Variants in IRF2 observed in about 807,000 individuals in gnomAD.
IRF2 encodes interferon regulatory factor 2.
A neutral mutation model predicts 40.6 loss-of-function variants in IRF2; 15 were observed. The observed-to-expected ratio is 0.37, with a 90% CI of 0.25 to 0.57. IRF2 has a LOEUF of 0.57. Ranked by LOEUF, IRF2 falls within the 20% of genes least tolerant of loss-of-function variation. The pLI is 0.77. For synonymous variants in IRF2, 151 were observed against 165.5 expected (o/e 0.91, Z 0.67); for missense variants, 317 against 455.7 (o/e 0.70, Z 2.77).
intron 5 of IRF2, among the ~76,000 whole-genome samples, chr4:184,414,328 C>T (rs1197923757): frequency 6.6e-6 from 1 of 152,190 alleles, no homozygotes; most frequent in East Asian, 1.9e-4. Context: ...TCCAGGATTT[C>T]TCATTATTGT....
At chr4:184,410,156 C>T (rs1483524514) in intron 5 of IRF2, among the ~76,000 whole-genome samples, 3 of 152,168 alleles carry the variant, frequency 2.0e-5, no homozygotes, top group Non-Finnish European at 4.4e-5. Context: ...TCAGAAGGGC[C>T]TGGAGCAAAG....
intron 5 of IRF2, among the ~76,000 whole-genome samples, chr4:184,411,590 T>C (rs1290013623): frequency 1.6e-5 from 2 of 121,234 alleles, no homozygotes; most frequent in African/African-American, 5.1e-5. Context: ...AGCCAGCACC[T>C]CCCGAAACAC....
At chr4:184,460,072 T>C (rs146429629) in intron 1 of IRF2, among the ~76,000 whole-genome samples, 159 of 152,316 alleles carry the variant, frequency 1.0e-3, no homozygotes, top group African/African-American at 3.3e-3. Context: ...TTATTCACAA[T>C]AGCCAAATTA....
At position 184,467,343 on chromosome 4, in the gene IRF2, T is replaced by C. The variant is rs80119817; in HGVS notation, c.-7+7036A>G. Among the ~76,000 whole-genome samples the C allele has an allele frequency of 5.5e-3, 840 of 152,282 alleles. 10 individuals carry two copies. The highest frequency in any genetic ancestry group is 0.019 in the African/African-American group (794 of 41,546). ...CATTCAAGAATCCAGGAGTCACTAG[T>C]CACCTATTTTCCTTCTCATCACCCC... On this transcript the variant is annotated intron_variant, in intron 1 of 8. Coordinates refer to ENST00000393593, the MANE Select transcript of IRF2 (RefSeq NM_002199.4).
At chr4:184,437,294 G>C (rs146803988) in intron 1 of IRF2, among the ~76,000 whole-genome samples, 1 of 152,140 alleles carries the variant, frequency 6.6e-6, no homozygotes, top group East Asian at 1.9e-4. Context: ...TTGACCTGAT[G>C]ATCCACCTGC....
intron 2 of IRF2, chr4:184,428,636 A>G (rs936685458): frequency 4.5e-6 from 2 of 444,726 alleles, no homozygotes; most frequent in Non-Finnish European, 9.0e-6. Context: ...CAGCTCTACA[A>G]AAAAATACAA....
At chr4:184,415,865 C>T (rs1020354038) in intron 5 of IRF2, among the ~76,000 whole-genome samples, 6 of 152,134 alleles carry the variant, frequency 3.9e-5, no homozygotes, top group Non-Finnish European at 7.3e-5. Flanking sequence ...TTATCAAATA[C>T]GTATTAGTGA....
chr4:184,395,949 G>C (rs1032847926), intron 7 of IRF2, among the ~76,000 whole-genome samples: 2 of 152,142 alleles, frequency 1.3e-5, no homozygotes, highest in Non-Finnish European at 2.9e-5. Context: ...AGCAAGAAGA[G>C]GTCTTTCCAG....
At chr4:184,428,620 A>C in intron 2 of IRF2, 1 of 425,766 alleles carries the variant, frequency 2.3e-6, no homozygotes, top group South Asian at 1.7e-5. Context: ...CAACATGGCG[A>C]GATCCCAGCT....
chr4:184,461,190 T>C (rs965959564), intron 1 of IRF2, among the ~76,000 whole-genome samples: 3 of 152,208 alleles, frequency 2.0e-5, no homozygotes, highest in Non-Finnish European at 4.4e-5. Context: ...TTTTCCTTAA[T>C]GACACCAGAC....
intron 5 of IRF2, among the ~76,000 whole-genome samples, chr4:184,410,558 C>T (rs903787301): frequency 1.3e-5 from 2 of 152,184 alleles, no homozygotes; most frequent in Non-Finnish European, 2.9e-5. Flanking sequence ...TTCCCCACCC[C>T]GAGTCATGCC....
At chr4:184,461,343 A>C (rs1739137205) in intron 1 of IRF2, among the ~76,000 whole-genome samples, 1 of 152,220 alleles carries the variant, frequency 6.6e-6, no homozygotes, top group African/African-American at 2.4e-5. Flanking sequence ...TTGGCAAAAA[A>C]ATCTGTCACA....
chr4:184,410,029 T>C (rs1452619992), intron 5 of IRF2, among the ~76,000 whole-genome samples: 1 of 152,176 alleles, frequency 6.6e-6, no homozygotes, highest in Admixed American at 6.5e-5. Flanking sequence ...CGACCCGCTG[T>C]CTGCCTTTCC....
At chr4:184,455,409 C>T (rs201786205) in intron 1 of IRF2, among the ~76,000 whole-genome samples, 2 of 146,594 alleles carry the variant, frequency 1.4e-5, no homozygotes, top group Admixed American at 7.1e-5. Context: ...CCTCCCAAAG[C>T]GCTGGGATTA....
In IRF2 at chr4:184,437,115, G is replaced by C. The variant is rs118006699; in HGVS notation, c.-6-8045C>G. Among the ~76,000 whole-genome samples the C allele has an allele frequency of 5.0e-3, 766 of 152,282 alleles. 14 individuals are homozygous for C. The highest frequency in any genetic ancestry group is 0.033 in the Admixed American group (508 of 15,298). On this transcript the variant is annotated intron_variant, in intron 1 of 8. Transcript: ENST00000393593. ...CTGTCACCCAGGCTAGAGTATAGTC[G>C]TGCAATCTTGGCTCACTGCAACCTC...
chr4:184,394,637 ACT>A lies in IRF2; in HGVS notation c.695-3890_695-3889del, dbSNP rs375981124. Among the ~76,000 whole-genome samples the A allele has an allele frequency of 6.7e-4, 102 of 151,886 alleles. 1 individual carries two copies. The highest frequency in any genetic ancestry group is 2.3e-3 in the African/African-American group (97 of 41,420). The stretch of plus-strand genomic sequence containing the variant: ...GGCTGCTGGTCAGCAGGCGATCTCC[ACT>A]CTCTCATTATAGCCAGTGAGTCCTT... On this transcript the variant is annotated intron_variant, in intron 7 of 8. Coordinates refer to ENST00000393593, the MANE Select transcript of IRF2 (RefSeq NM_002199.4).
chr4:184,428,113 A>G (rs1737737072), intron 2 of IRF2, among the ~76,000 whole-genome samples: 1 of 152,242 alleles, frequency 6.6e-6, no homozygotes, highest in African/African-American at 2.4e-5. Context: ...TTTTTAGGTT[A>G]ACAAAGTAAG....
chr4:184,396,977 G>A (rs1273123910), intron 7 of IRF2, among the ~76,000 whole-genome samples: 1 of 152,146 alleles, frequency 6.6e-6, no homozygotes, highest in African/African-American at 2.4e-5. Flanking sequence ...ACAGTCAACT[G>A]TACCCAAGCA....
At position 184,458,784 on chromosome 4, in the gene IRF2, C is replaced by G. The variant is rs79161940; in HGVS notation, c.-7+15595G>C. Among the ~76,000 whole-genome samples the G allele has an allele frequency of 8.6e-3, 1,311 of 152,288 alleles. 31 individuals carry two copies. Among genetic ancestry groups the G allele is most frequent in the African/African-American group, 0.029 (1,221 of 41,548 alleles). On this transcript the variant is annotated intron_variant, in intron 1 of 8. Coordinates refer to ENST00000393593, the MANE Select transcript of IRF2 (RefSeq NM_002199.4). ...GATTCAGCAAAACGAAAAATTTCCG[C>G]AGGACATAAAACTAAACCAACAATG...
Sources: gnomAD v4.1 joint callset for allele counts (sites outside exome capture counted in the v4.1 genomes callset) on GRCh38, gnomAD v4.1.1 for gene constraint, MANE v1.5 for transcripts, NCBI Gene and HGNC (gene_info 2026-07-23, HGNC 2026-07-21) for gene names.